SLC6A4: variants seen among roughly 807,000 people sequenced by gnomAD.
SLC6A4 encodes the protein sodium-dependent serotonin transporter.
SLC6A4 carries 22 observed loss-of-function variants against 73.4 expected under a neutral mutation model. The ratio of observed to expected loss-of-function variants is 0.30; its 90% CI spans 0.21 to 0.43. The LOEUF (loss-of-function observed/expected upper bound fraction) is 0.43. Ranked by LOEUF, SLC6A4 falls within the 20% of genes least tolerant of loss-of-function variation. The pLI is 1.00. For missense variants in SLC6A4, 593 were observed against 808.5 expected (o/e 0.73, Z 3.23); for synonymous variants, 270 against 315.5 (o/e 0.86, Z 1.53).
At chr17:30,198,563 C>G in intron 14 of SLC6A4, 33 bp from the exon 15 acceptor site, 1 of 1,273,652 alleles carries the variant, frequency 7.9e-7, no homozygotes, top group East Asian at 2.3e-5. Flanking sequence ...TTATAAACAT[C>G]CTTGTAATTT....
Position 30,198,317 on chromosome 17 carries a change from A to G in SLC6A4, c.*139T>C, listed in dbSNP as rs1905926357. 3.4e-6 allele frequency: 2 copies of G among 582,322 alleles called. No individual in the cohort carries two copies. The highest frequency in any genetic ancestry group is 1.9e-5 in the African/African-American group (1 of 52,638). The allele number at this position is 582,322 out of a possible 1,614,324, so 36.1% of individuals were successfully genotyped here. A position where few individuals can be genotyped will look rare whatever the true frequency, so the allele number is the denominator to read the frequency against. ...TGGAGGCCTTGAGTCTGGGCACCAG[A>G]CTGTGTCCCTGTGGAGAAGGCCCTT... is the stretch of plus-strand genomic sequence containing the variant. On this transcript the variant is annotated 3_prime_UTR_variant, in exon 15 of 15. Transcript: ENST00000650711.
At chr17:30,229,326 T>C (rs1020064951) in intron 1 of SLC6A4, among the ~76,000 whole-genome samples, 1 of 152,116 alleles carries the variant, frequency 6.6e-6, no homozygotes, top group African/African-American at 2.4e-5. Flanking sequence ...CAGAAATAAA[T>C]GTGATAAACT....
intron 12 of SLC6A4, 37 bp downstream of exon 12, chr17:30,209,106 G>A: frequency 1.4e-6 from 2 of 1,460,820 alleles, no homozygotes; most frequent in South Asian, 2.3e-5. Context: ...GGCTGATGGT[G>A]TAGAAGGGAC....
intron 1 of SLC6A4, among the ~76,000 whole-genome samples, chr17:30,231,393 CAG>C (rs1336232409): frequency 1.3e-5 from 2 of 150,720 alleles, no homozygotes; most frequent in Non-Finnish European, 3.0e-5. Context: ...ATAGTGTATA[CAG>C]ACACATATAT....
At chr17:30,209,099 T>C in intron 12 of SLC6A4, 44 bp downstream of exon 12, 1 of 1,375,774 alleles carries the variant, frequency 7.3e-7, no homozygotes, top group Non-Finnish European at 1.0e-6. Flanking sequence ...CTGTGCTGGC[T>C]GATGGTGTAG....
In SLC6A4 at chr17:30,221,616, C is replaced by A; in HGVS notation, c.343G>T (p.Gly115Trp). The change falls in exon 3 of 15, where the codon GGG becomes TGG. Residue 115 changes from glycine (G) to tryptophan (W), a missense_variant and splice_region_variant. Transcript: ENST00000650711. ...TCTACTCGCAGCCTGTGATACTGAC[C>A]CCCTCCATTCTGGTAACATATGTAG... ...FPYICYQNGG[G>W]AFLLPYTIMA... 2 of 1,612,530 alleles carry A rather than the reference C, an allele frequency of 1.2e-6. No homozygotes were observed. Among genetic ancestry groups the A allele is most frequent in the Non-Finnish European group, 1.7e-6 (2 of 1,178,826 alleles).
At position 30,197,153 on chromosome 17, in the gene SLC6A4, A is replaced by C. The variant is rs1905888880; in HGVS notation, c.*1303T>G. 6.6e-6 allele frequency: 1 copy of C among 152,342 alleles called. No individual in the cohort carries two copies. The highest frequency in any genetic ancestry group is 1.5e-5 in the Non-Finnish European group (1 of 68,040). 9.4% of individuals were successfully genotyped at this position (152,342 alleles called of 1,614,324 possible). A position where few individuals can be genotyped will look rare whatever the true frequency, so the allele number is the denominator to read the frequency against. ...GCCTCTGAGAGTCACGAGACACCAA[A>C]GGCCAAATTTACTTATCTATATTAA... On this transcript the variant is annotated 3_prime_UTR_variant, in exon 15 of 15. Coordinates refer to ENST00000650711, the MANE Select transcript of SLC6A4 (RefSeq NM_001045.6).
At chr17:30,202,200 A>C (rs1156950387) in intron 14 of SLC6A4, among the ~76,000 whole-genome samples, 1 of 152,188 alleles carries the variant, frequency 6.6e-6, no homozygotes, top group African/African-American at 2.4e-5. Context: ...AATTTTGCGT[A>C]AGATCTCAAA....
rs1253043830 is a variant in SLC6A4 at position 30,194,574 on chromosome 17, TTTATC to T, written c.*3877_*3881del. 1 of 152,188 alleles carries T rather than the reference TTTATC, an allele frequency of 6.6e-6. No individual in the cohort carries two copies. Among genetic ancestry groups the T allele is most frequent in the Non-Finnish European group, 1.5e-5 (1 of 68,026 alleles). 9.4% of individuals were successfully genotyped at this position (152,188 alleles called of 1,614,324 possible). A position where few individuals can be genotyped will look rare whatever the true frequency, so the allele number is the denominator to read the frequency against. Reference sequence around the variant, plus strand: ...ACAAAATAACTGTAAATTCCCCAATTTTATCTTTTAAAATATGAATTTTTAATATA... The same window carrying T: ...ACAAAATAACTGTAAATTCCCCAATTTTTTAAAATATGAATTTTTAATATA... On this transcript the variant is annotated 3_prime_UTR_variant, in exon 15 of 15. Transcript: ENST00000650711.
chr17:30,230,136 A>C (rs564746186), intron 1 of SLC6A4, among the ~76,000 whole-genome samples: 1 of 150,390 alleles, frequency 6.6e-6, no homozygotes, highest in Non-Finnish European at 1.5e-5. Context: ...GAGGAGGAGG[A>C]GGAGGAGGAG....
intron 12 of SLC6A4, 101 bp downstream of exon 12, chr17:30,209,042 G>A (rs997429634): frequency 7.6e-6 from 6 of 785,440 alleles, no homozygotes; most frequent in South Asian, 4.9e-5. Context: ...GTCACATCTT[G>A]TAAACTGCCC....
At chr17:30,213,818 C>T (rs1906464123) in intron 8 of SLC6A4, among the ~76,000 whole-genome samples, 1 of 152,132 alleles carries the variant, frequency 6.6e-6, no homozygotes. Flanking sequence ...ATGAACACAG[C>T]TCACTGCAGC....
At chr17:30,200,468 T>A (rs1249074084) in intron 14 of SLC6A4, among the ~76,000 whole-genome samples, 2 of 152,232 alleles carry the variant, frequency 1.3e-5, no homozygotes, top group Non-Finnish European at 2.9e-5. Flanking sequence ...AGCCAGTGGA[T>A]GACTCCAACC....
chr17:30,211,515 A>C lies in SLC6A4; in HGVS notation c.1205-91T>G. 3 of 777,126 alleles carry C rather than the reference A, an allele frequency of 3.9e-6. No individual in the cohort carries two copies. The Admixed American group carries it at 5.9e-5, about 15-fold the overall frequency. The allele number at this position is 777,126 out of a possible 1,614,324, so 48.1% of individuals were successfully genotyped here. A position where few individuals can be genotyped will look rare whatever the true frequency, so the allele number is the denominator to read the frequency against. ...AAAACTCAGCCACAACAACAGTTAC[A>C]ATTCTCATCACAAGACCTTATGTGT... On this transcript the variant is annotated intron_variant, in intron 9 of 14. Transcript: ENST00000650711. This position sits in a 1 kb window ranked among gnomAD's most constrained non-coding sequence, Gnocchi z 4.0.
intron 3 of SLC6A4, 121 bp from the exon 4 acceptor site, chr17:30,219,052 G>A: frequency 8.6e-7 from 1 of 1,168,938 alleles, no homozygotes; most frequent in East Asian, 2.4e-5. Flanking sequence ...ACCCTGGGCT[G>A]AGTGGCCTCA....
intron 1 of SLC6A4, among the ~76,000 whole-genome samples, chr17:30,227,753 G>A (rs891636232): frequency 1.3e-5 from 2 of 152,186 alleles, no homozygotes; most frequent in Non-Finnish European, 2.9e-5. Context: ...CTCCCAAAGT[G>A]CTGGGATTAC....
At chr17:30,230,097 AGG>A (rs1491417306) in intron 1 of SLC6A4, among the ~76,000 whole-genome samples, 3,862 of 111,848 alleles carry the variant, frequency 0.035, 95 homozygotes, top group African/African-American at 0.083. Flanking sequence ...GAAGAAGAAG[AGG>A]AGGAAGAGGA....
chr17:30,224,467 C>T (rs1906870719), intron 1 of SLC6A4, among the ~76,000 whole-genome samples: 1 of 152,180 alleles, frequency 6.6e-6, no homozygotes, highest in South Asian at 2.1e-4. Flanking sequence ...ATCCACCCGC[C>T]TTGGCCTCCC....
At chr17:30,215,488 G>T (rs1485227288) in intron 8 of SLC6A4, 123 bp downstream of exon 8, 1 of 771,492 alleles carries the variant, frequency 1.3e-6, no homozygotes, top group Non-Finnish European at 2.3e-6. Context: ...CCCCTGAGGG[G>T]CAGTGGTATC....
Sources: allele counts gnomAD v4.1 joint callset (sites outside exome capture counted in the v4.1 genomes callset), GRCh38; gene constraint gnomAD v4.1.1; non-coding constraint Gnocchi (gnomAD v3.1); transcripts MANE v1.5; gene names NCBI Gene and HGNC (gene_info 2026-07-23, HGNC 2026-07-21).